Variants in CNTNAP3 observed in about 807,000 individuals in gnomAD.
CNTNAP3 encodes the protein contactin associated protein family member 3.
In CNTNAP3, 36 loss-of-function variants were observed where a neutral mutation model predicts 92.1. That is an observed-to-expected ratio of 0.39 (90% CI 0.30 to 0.52). The LOEUF is 0.52. CNTNAP3 is among the 20% of genes least tolerant of loss of function. The pLI is 0.76. For synonymous variants in CNTNAP3, 232 were observed against 422.3 expected (o/e 0.55, Z 5.53); for missense variants, 534 against 1,069.6 (o/e 0.50, Z 6.98).
chr9:39,077,927 C>T (rs961619532), intron 23 of CNTNAP3, among the ~76,000 whole-genome samples: 1 of 152,090 alleles, frequency 6.6e-6, no homozygotes, highest in East Asian at 1.9e-4. Flanking sequence ...CAACGAAGGC[C>T]GGGCATGGTG....
At chr9:39,122,419 A>G (rs910419482) in intron 13 of CNTNAP3, among the ~76,000 whole-genome samples, 3 of 152,094 alleles carry the variant, frequency 2.0e-5, no homozygotes, top group African/African-American at 7.2e-5. Context: ...CTCTTCCCGC[A>G]CCTTATCATC....
intron 14 of CNTNAP3, among the ~76,000 whole-genome samples, chr9:39,110,991 T>C (rs1826734228): frequency 6.6e-6 from 1 of 152,116 alleles, no homozygotes; most frequent in South Asian, 2.1e-4. Context: ...ATAATTGATA[T>C]TTCATCATTG....
At chr9:39,079,353 G>T (rs12348500) in intron 21 of CNTNAP3, among the ~76,000 whole-genome samples, 55,356 of 147,052 alleles carry the variant, frequency 0.38, 10,523 homozygotes, top group African/African-American at 0.52. Flanking sequence ...TCATACTATA[G>T]TTGCTATTTT....
chr9:39,084,528 G>C (rs1012070729), intron 21 of CNTNAP3, among the ~76,000 whole-genome samples: 1 of 149,020 alleles, frequency 6.7e-6, no homozygotes, highest in Non-Finnish European at 1.5e-5. Flanking sequence ...GGGATGAATC[G>C]AAGATTTACA....
chr9:39,148,817 G>A (rs369370081), intron 10 of CNTNAP3, among the ~76,000 whole-genome samples: 1 of 152,144 alleles, frequency 6.6e-6, no homozygotes, highest in African/African-American at 2.4e-5. Context: ...GAGCCACGGC[G>A]CCGGGCCAGA....
At chr9:39,147,810 G>A (rs1821740186) in intron 10 of CNTNAP3, among the ~76,000 whole-genome samples, 1 of 152,170 alleles carries the variant, frequency 6.6e-6, no homozygotes, top group Non-Finnish European at 1.5e-5. Context: ...TTGTACTTTA[G>A]GAGCTACATG....
intron 18 of CNTNAP3, among the ~76,000 whole-genome samples, chr9:39,096,714 T>A (rs11791004): frequency 0.23 from 34,155 of 150,426 alleles, 4,176 homozygotes; most frequent in East Asian, 0.38. Flanking sequence ...GTTATCTCAC[T>A]GTCCTGTGGC....
rs534861374 is a variant in CNTNAP3 at position 39,078,593 on chromosome 9, A to G, written c.3673+97T>C. ...ATGTATTTTAAAAAAGGAAAAAAAG[A>G]AGGATGACAGAGACGGAGAAAAGAA... On this transcript the variant is annotated intron_variant, in intron 22 of 23. Coordinates refer to ENST00000297668, the MANE Select transcript of CNTNAP3 (RefSeq NM_033655.5). 5.1e-5 allele frequency: 79 copies of G among 1,546,360 alleles called. No homozygotes were observed. In the East Asian group the frequency reaches 1.8e-3, roughly 35 times the overall value.
At chr9:39,108,206 G>C (rs1456526262) in intron 15 of CNTNAP3, among the ~76,000 whole-genome samples, 1 of 148,766 alleles carries the variant, frequency 6.7e-6, no homozygotes, top group East Asian at 2.0e-4. Flanking sequence ...GGGTAGGTCT[G>C]CATCTCAGAT....
At position 39,065,421 on chromosome 9, in the gene CNTNAP3, T is replaced by C. The variant is rs1471245265; in HGVS notation, c.*8469A>G. Among the ~76,000 whole-genome samples the C allele has an allele frequency of 6.6e-6, 1 of 152,194 alleles. No homozygotes were observed. Among genetic ancestry groups the C allele is most frequent in the Non-Finnish European group, 1.5e-5 (1 of 68,022 alleles). On this transcript the variant is annotated 3_prime_UTR_variant, in exon 24 of 24. Coordinates refer to ENST00000297668, the MANE Select transcript of CNTNAP3 (RefSeq NM_033655.5). ...GTTTACAGTTTGGGGATATTATAAG[T>C]AAAGATGCTATAAACGTTCTTGTGT...
At chr9:39,141,665 C>T (rs1821577790) in intron 11 of CNTNAP3, among the ~76,000 whole-genome samples, 1 of 152,036 alleles carries the variant, frequency 6.6e-6, no homozygotes, top group African/African-American at 2.4e-5. Flanking sequence ...CCACTTATGG[C>T]ATATTGATTT....
In CNTNAP3 at chr9:39,067,459, G is replaced by A. The variant is rs1416312173; in HGVS notation, c.*6431C>T. On this transcript the variant is annotated 3_prime_UTR_variant, in exon 24 of 24. Transcript: ENST00000297668. ...GTTGCCCAGGCTGGAGTGCAATGGC[G>A]CAATCTCGGCCCACTGCAAACTCTG... 2.5e-4 allele frequency among the ~76,000 whole-genome samples: 38 copies of A among 152,362 alleles called. No homozygotes were observed. Among genetic ancestry groups the A allele is most frequent in the Non-Finnish European group, 3.8e-4 (26 of 68,006 alleles).
intron 11 of CNTNAP3, among the ~76,000 whole-genome samples, chr9:39,142,534 T>C (rs1192131868): frequency 2.0e-5 from 3 of 151,586 alleles, no homozygotes; most frequent in African/African-American, 4.9e-5. Context: ...TAGCCAGGTG[T>C]GGTGGTGGGC....
chr9:39,121,277 C>A (rs1821012912), intron 13 of CNTNAP3, among the ~76,000 whole-genome samples: 1 of 151,918 alleles, frequency 6.6e-6, no homozygotes, highest in Non-Finnish European at 1.5e-5. Flanking sequence ...ATAAAATAGA[C>A]TTCAGAACAA....
Position 39,124,876 on chromosome 9 carries a change from G to A in CNTNAP3, c.2081-6617C>T, listed in dbSNP as rs574045992. Among the ~76,000 whole-genome samples, 3 of 152,250 alleles carry A rather than the reference G, an allele frequency of 2.0e-5. No homozygotes were observed. The South Asian group carries it at 6.2e-4, about 32-fold the overall frequency. ...GGAAACAACAGGTGCAGGAGAGGATGTGGAGAAATAGGAACACTTTTACAC... is the reference window on the plus strand; with the variant it reads ...GGAAACAACAGGTGCAGGAGAGGATATGGAGAAATAGGAACACTTTTACAC... On this transcript the variant is annotated intron_variant, in intron 13 of 23. Transcript: ENST00000297668.
At chr9:39,148,060 T>C (rs1419235999) in intron 10 of CNTNAP3, among the ~76,000 whole-genome samples, 1 of 152,076 alleles carries the variant, frequency 6.6e-6, no homozygotes, top group African/African-American at 2.4e-5. Context: ...CCCTGGCTAG[T>C]TAGCTGAGCA....
chr9:39,094,197 C>T (rs1264536565), intron 18 of CNTNAP3, among the ~76,000 whole-genome samples: 1 of 151,324 alleles, frequency 6.6e-6, no homozygotes, highest in Non-Finnish European at 1.5e-5. Context: ...TCATCAAGTC[C>T]TTTGTCCAAT....
intron 10 of CNTNAP3, among the ~76,000 whole-genome samples, chr9:39,146,771 T>C (rs1028289128): frequency 3.9e-5 from 6 of 152,206 alleles, no homozygotes; most frequent in African/African-American, 1.2e-4. Context: ...AAAGTGCCCA[T>C]TGCTATTTTT....
chr9:39,133,508 T>C (rs1384178145), intron 12 of CNTNAP3, among the ~76,000 whole-genome samples: 2 of 151,412 alleles, frequency 1.3e-5, no homozygotes, highest in Non-Finnish European at 1.5e-5. Context: ...TATGTGCCTC[T>C]ATTTCTTTCA....
Sources: gnomAD v4.1 joint callset for allele counts (sites outside exome capture counted in the v4.1 genomes callset) on GRCh38, gnomAD v4.1.1 for gene constraint, MANE v1.5 for transcripts, NCBI Gene and HGNC (gene_info 2026-07-23, HGNC 2026-07-21) for gene names.